The following CSTPP1 variants were observed in gnomAD, a reference collection of about 807,000 sequenced individuals.
CSTPP1 encodes the protein centriolar satellite-associated tubulin polyglutamylase complex regulator 1, also known as UPF0705 protein C11orf49.
chr11:47,027,868 T>A, the CSTPP1 span, among the ~76,000 whole-genome samples: 1 of 152,116 alleles, frequency 6.6e-6, no homozygotes, highest in South Asian at 2.1e-4. Flanking sequence ...AAGAAGAAGA[T>A]GAAGAAGATT....
chr11:47,089,832 A>G, the CSTPP1 span, among the ~76,000 whole-genome samples: 2 of 152,202 alleles, frequency 1.3e-5, no homozygotes, highest in African/African-American at 4.8e-5. Context: ...CCTTAGCCAC[A>G]CACTGACAGT....
chr11:47,164,233 G>C, the CSTPP1 span: 1 of 1,613,306 alleles, frequency 6.2e-7, no homozygotes, highest in Non-Finnish European at 8.5e-7. Context: ...TACCATTACC[G>C]GTGGGAGCCC....
the CSTPP1 span, chr11:47,156,899 TG>T: frequency 7.6e-6 from 7 of 923,134 alleles, no homozygotes; most frequent in Middle Eastern, 3.2e-4. Context: ...CAGGACACCA[TG>T]CCCTGAGCAC....
the CSTPP1 span, among the ~76,000 whole-genome samples, chr11:46,957,840 A>G: frequency 6.6e-6 from 1 of 152,064 alleles, no homozygotes. Flanking sequence ...AACCTTTCCA[A>G]TCCTTTTGTT....
the CSTPP1 span, among the ~76,000 whole-genome samples, chr11:46,982,941 G>A: frequency 0.14 from 21,766 of 151,968 alleles, 5,198 homozygotes; most frequent in African/African-American, 0.5. Flanking sequence ...TATAGAAAAG[G>A]GCAGAGAGAT....
chr11:46,982,288 GA>G, the CSTPP1 span, among the ~76,000 whole-genome samples: 1 of 152,060 alleles, frequency 6.6e-6, no homozygotes, highest in Admixed American at 6.5e-5. Flanking sequence ...GGCAAGGGGG[GA>G]AAAAGTCAGG....
the CSTPP1 span, among the ~76,000 whole-genome samples, chr11:46,978,699 A>G: frequency 1.3e-5 from 2 of 152,192 alleles, no homozygotes; most frequent in African/African-American, 4.8e-5. Context: ...ATTGAGCACT[A>G]TTACAGCTAT....
At chr11:47,044,872 G>A in the CSTPP1 span, among the ~76,000 whole-genome samples, 2 of 152,148 alleles carry the variant, frequency 1.3e-5, no homozygotes, top group East Asian at 1.9e-4. Context: ...TCATGCTACT[G>A]CACTCCAGCC....
chr11:47,041,151 C>T, the CSTPP1 span: 25 of 198,466 alleles, frequency 1.3e-4, 5 homozygotes, highest in South Asian at 3.5e-4. Context: ...AAGTGTTCTC[C>T]GTCTGGTTCA....
chr11:47,159,320 ACCAACATGGTGAAACC>A, the CSTPP1 span, among the ~76,000 whole-genome samples: 1 of 151,424 alleles, frequency 6.6e-6, no homozygotes, highest in African/African-American at 2.4e-5. Flanking sequence ...GACCAGCCTG[ACCAACATGGTGAAACC>A]CCATCACTAC....
the CSTPP1 span, among the ~76,000 whole-genome samples, chr11:46,955,355 TTTG>T: frequency 6.6e-6 from 1 of 151,890 alleles, no homozygotes; most frequent in Non-Finnish European, 1.5e-5. Context: ...TGGTTTTTTT[TTTG>T]TTGTTTTTTT....
the CSTPP1 span, among the ~76,000 whole-genome samples, chr11:47,146,406 G>T: frequency 3.5e-5 from 5 of 141,924 alleles, no homozygotes; most frequent in African/African-American, 1.3e-4. Context: ...AAATCAATAA[G>T]AAAAAGATTA....
chr11:46,976,007 A>G, the CSTPP1 span, among the ~76,000 whole-genome samples: 1 of 152,140 alleles, frequency 6.6e-6, no homozygotes, highest in South Asian at 2.1e-4. Context: ...CAGGGGGCTT[A>G]ATGGGTCATC....
chr11:47,122,092 ATATATATATAT>A, the CSTPP1 span, among the ~76,000 whole-genome samples: 88 of 35,054 alleles, frequency 2.5e-3, no homozygotes, highest in African/African-American at 8.6e-3. Context: ...AAAAAAAAAA[ATATATATATAT>A]ATATATATAT....
the CSTPP1 span, among the ~76,000 whole-genome samples, chr11:47,125,947 G>A: frequency 6.6e-6 from 1 of 151,766 alleles, no homozygotes. Context: ...AACCCAGGAG[G>A]CAGAGGTTGT....
chr11:47,060,002 G>T, the CSTPP1 span, among the ~76,000 whole-genome samples: 8 of 151,714 alleles, frequency 5.3e-5, no homozygotes, highest in Non-Finnish European at 1.0e-4. Context: ...TACTCAGGAG[G>T]CTAAAGCAGG....
the CSTPP1 span, among the ~76,000 whole-genome samples, chr11:47,062,825 A>G: frequency 1.8e-4 from 28 of 152,224 alleles, no homozygotes; most frequent in African/African-American, 6.3e-4. Context: ...AATGTTTCAC[A>G]TAAAAGTCTC....
At chr11:47,080,991 A>G in the CSTPP1 span, among the ~76,000 whole-genome samples, 1 of 150,724 alleles carries the variant, frequency 6.6e-6, no homozygotes, top group Non-Finnish European at 1.5e-5. Context: ...CCTGGGCAAT[A>G]GAGCAAGACC....
At chr11:47,148,615 G>A in the CSTPP1 span, among the ~76,000 whole-genome samples, 6 of 152,278 alleles carry the variant, frequency 3.9e-5, no homozygotes, top group South Asian at 2.1e-4. Context: ...CTGGCAGCAC[G>A]CATTTCCTCT....
Sources: gnomAD v4.1 joint callset for allele counts (sites outside exome capture counted in the v4.1 genomes callset) on GRCh38, gnomAD v4.1.1 for gene constraint, MANE v1.5 for transcripts, NCBI Gene and HGNC (gene_info 2026-07-23, HGNC 2026-07-21) for gene names.